TRDN: variants seen among roughly 807,000 people sequenced by gnomAD.
TRDN encodes the protein triadin, also known as triadin in skeletal muscle.
TRDN carries 161 observed loss-of-function variants against 149.7 expected under a neutral mutation model. The observed-to-expected ratio is 1.08, with a 90% confidence interval of 0.95 to 1.23. The LOEUF (loss-of-function observed/expected upper bound fraction) is 1.23. TRDN is among the 50% of genes most tolerant of loss of function. The probability of loss-of-function intolerance (pLI) is 0.00; values close to 1 mark genes in which losing one functional copy is unlikely to be tolerated. For missense variants in TRDN, 896 were observed against 823.5 expected (o/e 1.09, Z -1.08); for synonymous variants, 294 against 250.5 (o/e 1.17, Z -1.64).
chr6:123,600,532 A>G (rs969146348), intron 1 of TRDN, among the ~76,000 whole-genome samples: 8 of 152,026 alleles, frequency 5.3e-5, no homozygotes, highest in Non-Finnish European at 8.8e-5. Context: ...GGGGGCCTGA[A>G]AAAAGGGCAG....
chr6:123,608,946 G>A (rs1784655183), intron 1 of TRDN, among the ~76,000 whole-genome samples: 1 of 152,050 alleles, frequency 6.6e-6, no homozygotes, highest in Non-Finnish European at 1.5e-5. Context: ...GCCGAGGCAG[G>A]CAGATCACTT....
chr6:123,472,386 C>T lies in TRDN; in HGVS notation c.854-7403G>A, dbSNP rs572512350. 2.8e-3 allele frequency among the ~76,000 whole-genome samples: 434 copies of T among 152,320 alleles called. 1 individual carries two copies. Among genetic ancestry groups the T allele is most frequent in the Non-Finnish European group, 3.3e-3 (223 of 68,034 alleles). On this transcript the variant is annotated intron_variant, in intron 9 of 40. Coordinates refer to ENST00000334268, the MANE Select transcript of TRDN (RefSeq NM_006073.4). ...GCGCTTTTCCGACAGGCTTAAAAAACGGCGCACCACAAGATTATATCCCAC... is the reference window on the plus strand; with the variant it reads ...GCGCTTTTCCGACAGGCTTAAAAAATGGCGCACCACAAGATTATATCCCAC...
chr6:123,479,845 G>T (rs890779637), intron 9 of TRDN, among the ~76,000 whole-genome samples: 1 of 151,966 alleles, frequency 6.6e-6, no homozygotes, highest in Non-Finnish European at 1.5e-5. Flanking sequence ...GAATAATAAA[G>T]AAAACAATTT....
At chr6:123,565,960 C>G (rs1309067697) in intron 2 of TRDN, among the ~76,000 whole-genome samples, 2 of 152,198 alleles carry the variant, frequency 1.3e-5, no homozygotes, top group Non-Finnish European at 2.9e-5. Flanking sequence ...CAATTTCCAC[C>G]CTGACTACTT....
At chr6:123,351,518 T>C (rs866714529) in intron 21 of TRDN, 124 of 982,196 alleles carry the variant, frequency 1.3e-4, no homozygotes, top group Admixed American at 8.7e-4. Context: ...CCAGAATAAA[T>C]TGGAAAACAT....
intron 20 of TRDN, among the ~76,000 whole-genome samples, chr6:123,357,058 C>G (rs1033397863): frequency 2.4e-4 from 37 of 151,778 alleles, no homozygotes; most frequent in Non-Finnish European, 4.9e-4. Context: ...TCTTAGCTAT[C>G]TTTTATTCCG....
chr6:123,427,287 T>A (rs999073634), intron 12 of TRDN, among the ~76,000 whole-genome samples: 2 of 151,802 alleles, frequency 1.3e-5, no homozygotes, highest in Middle Eastern at 3.2e-3. Flanking sequence ...TTTGTTTTTT[T>A]TTTTTAATAA....
At chr6:123,277,769 A>G (rs1291704673) in intron 26 of TRDN, among the ~76,000 whole-genome samples, 1 of 152,176 alleles carries the variant, frequency 6.6e-6, no homozygotes, top group Non-Finnish European at 1.5e-5. Context: ...GAACTGTGAG[A>G]CAATAAATTT....
chr6:123,252,342 T>A lies in TRDN; in HGVS notation c.1975+70A>T, dbSNP rs551106671. 1.8e-5 allele frequency: 17 copies of A among 964,904 alleles called. No individual in the cohort carries two copies. In the African/African-American group the frequency reaches 1.8e-4, roughly 10 times the overall value. The allele number at this position is 964,904 out of a possible 1,614,324, so 59.8% of individuals were successfully genotyped here. On this transcript the variant is annotated intron_variant, in intron 38 of 40. Coordinates refer to ENST00000334268, the MANE Select transcript of TRDN (RefSeq NM_006073.4). ...TGAACACTTCAAAAATAAAAATATT[T>A]TATGAATTTCATCTTAAAATTGATA...
intron 23 of TRDN, 85 bp downstream of exon 23, chr6:123,331,794 T>G (rs1282373571): frequency 4.5e-6 from 4 of 881,440 alleles, no homozygotes; most frequent in Non-Finnish European, 6.6e-6. Context: ...AGCCTGAAAA[T>G]GAAATGATTC....
intron 1 of TRDN, among the ~76,000 whole-genome samples, chr6:123,590,891 T>C (rs1783745963): frequency 6.6e-6 from 1 of 152,202 alleles, no homozygotes; most frequent in African/African-American, 2.4e-5. Flanking sequence ...AAAACTGGTC[T>C]CTGGTGCCAA....
At chr6:123,322,727 A>C in intron 23 of TRDN, among the ~76,000 whole-genome samples, 1 of 150,912 alleles carries the variant, frequency 6.6e-6, no homozygotes, top group East Asian at 2.0e-4. Flanking sequence ...TGCAACCTCC[A>C]CCTCCTGGAT....
intron 40 of TRDN, among the ~76,000 whole-genome samples, chr6:123,220,690 A>G (rs1775115025): frequency 6.6e-6 from 1 of 151,784 alleles, no homozygotes; most frequent in Admixed American, 6.6e-5. Flanking sequence ...GGCATTTGCT[A>G]TTGTAAGGGG....
chr6:123,393,265 C>G (rs751256278), intron 13 of TRDN, among the ~76,000 whole-genome samples: 18 of 151,944 alleles, frequency 1.2e-4, no homozygotes, highest in Non-Finnish European at 2.2e-4. Context: ...ACATAAATTA[C>G]AAGGTATACT....
At chr6:123,311,018 T>G (rs970622500) in intron 24 of TRDN, among the ~76,000 whole-genome samples, 7 of 152,038 alleles carry the variant, frequency 4.6e-5, no homozygotes, top group African/African-American at 1.7e-4. Flanking sequence ...ATCTTTTGAT[T>G]ATACAAGAAG....
At chr6:123,233,953 T>C (rs772130794) in intron 38 of TRDN, among the ~76,000 whole-genome samples, 26 of 152,108 alleles carry the variant, frequency 1.7e-4, no homozygotes, top group Non-Finnish European at 3.1e-4. Flanking sequence ...TCACTTATCA[T>C]ATACCAATCC....
intron 1 of TRDN, among the ~76,000 whole-genome samples, chr6:123,577,209 C>T (rs932235778): frequency 5.3e-5 from 8 of 152,048 alleles, no homozygotes; most frequent in African/African-American, 1.7e-4. Flanking sequence ...TTTCATTTCA[C>T]GGGGGTTTGT....
At chr6:123,434,831 A>T (rs770558324) in intron 12 of TRDN, among the ~76,000 whole-genome samples, 1 of 151,822 alleles carries the variant, frequency 6.6e-6, no homozygotes, top group Non-Finnish European at 1.5e-5. Flanking sequence ...GCCATGGATG[A>T]TTTCAAATAT....
intron 5 of TRDN, chr6:123,529,191 G>C: frequency 6.5e-7 from 1 of 1,547,350 alleles, no homozygotes; most frequent in Non-Finnish European, 8.7e-7. Flanking sequence ...CAAATGGTGT[G>C]GAACCAGTTG....
Sources: gnomAD v4.1 joint callset for allele counts (sites outside exome capture counted in the v4.1 genomes callset) on GRCh38, gnomAD v4.1.1 for gene constraint, MANE v1.5 for transcripts, NCBI Gene and HGNC (gene_info 2026-07-23, HGNC 2026-07-21) for gene names.